ZWILCH: variants seen among roughly 807,000 people sequenced by gnomAD.
The protein encoded by ZWILCH is protein zwilch homolog.
In ZWILCH, 74 loss-of-function variants were observed where a neutral mutation model predicts 79.9. That is an observed-to-expected ratio of 0.93 (90% CI 0.77 to 1.12). ZWILCH has a LOEUF of 1.12. ZWILCH is among the 50% of genes most tolerant of loss of function. The pLI is 0.00. For missense variants in ZWILCH, 694 were observed against 687.5 expected (o/e 1.01, Z -0.11); for synonymous variants, 241 against 228.2 (o/e 1.06, Z -0.51).
At chr15:66,523,976 G>A (rs1231105802) in intron 8 of ZWILCH, among the ~76,000 whole-genome samples, 1 of 151,846 alleles carries the variant, frequency 6.6e-6, no homozygotes, top group Non-Finnish European at 1.5e-5. Context: ...CCTTTGTGTT[G>A]TTTTATTTTT....
chr15:66,547,185 A>ATTT (rs1172978479), intron 18 of ZWILCH: 30 of 121,554 alleles, frequency 2.5e-4, no homozygotes, highest in Non-Finnish European at 4.0e-4. Context: ...ATGGAATGAC[A>ATTT]TTTTCTTTTT....
At chr15:66,514,893 G>A (rs2140749687) in intron 3 of ZWILCH, among the ~76,000 whole-genome samples, 1 of 152,238 alleles carries the variant, frequency 6.6e-6, no homozygotes, top group East Asian at 1.9e-4. Context: ...AAGAACGTCT[G>A]GGTTTCCTTG....
At chr15:66,532,469 G>A (rs751013081) in intron 13 of ZWILCH, 66 bp downstream of exon 13, 29 of 1,419,736 alleles carry the variant, frequency 2.0e-5, no homozygotes, top group East Asian at 2.5e-5. Context: ...AGATATTCTC[G>A]GATTTTCTGT....
chr15:66,505,539 C>A, intron 1 of ZWILCH, 148 bp downstream of exon 1: 6 of 885,888 alleles, frequency 6.8e-6, no homozygotes, highest in Non-Finnish European at 8.8e-6. Context: ...GAGGCCGGTT[C>A]TCGGCTCCGG....
chr15:66,527,601 AAG>A (rs1182337680), intron 9 of ZWILCH, among the ~76,000 whole-genome samples: 1 of 152,172 alleles, frequency 6.6e-6, no homozygotes, highest in African/African-American at 2.4e-5. Context: ...TGAAGGAAAA[AAG>A]AGATGAATCA....
intron 2 of ZWILCH, among the ~76,000 whole-genome samples, chr15:66,513,032 C>G (rs1894125456): frequency 6.6e-6 from 1 of 152,012 alleles, no homozygotes; most frequent in African/African-American, 2.4e-5. Context: ...TAACCTCAAG[C>G]AGTCCACCCG....
At chr15:66,517,955 A>C in intron 4 of ZWILCH, among the ~76,000 whole-genome samples, 1 of 150,426 alleles carries the variant, frequency 6.6e-6, no homozygotes, top group Non-Finnish European at 1.5e-5. Flanking sequence ...CTGGTCTCGA[A>C]CTCCTGACCT....
At chr15:66,521,334 GC>G in intron 7 of ZWILCH, 129 bp downstream of exon 7, 1 of 1,037,828 alleles carries the variant, frequency 9.6e-7, no homozygotes, top group Non-Finnish European at 1.4e-6. Flanking sequence ...ACTCTGAAAG[GC>G]CCACCTTGCC....
intron 3 of ZWILCH, 168 bp downstream of exon 3, chr15:66,514,251 T>C (rs113794197): frequency 5.0e-6 from 2 of 396,734 alleles, no homozygotes; most frequent in Non-Finnish European, 9.1e-6. Flanking sequence ...GAACCACATA[T>C]GCAATTTAAC....
At chr15:66,513,137 G>T (rs1894129627) in intron 2 of ZWILCH, among the ~76,000 whole-genome samples, 1 of 152,082 alleles carries the variant, frequency 6.6e-6, no homozygotes, top group Non-Finnish European at 1.5e-5. Flanking sequence ...CCCCATGTTG[G>T]CCAGGCTGGT....
At chr15:66,527,148 A>G (rs1333299357) in intron 8 of ZWILCH, 142 bp from the exon 9 acceptor site, 13 of 633,152 alleles carry the variant, frequency 2.1e-5, no homozygotes, top group Non-Finnish European at 3.4e-5. Flanking sequence ...CATGTACTAT[A>G]CATAAAGCAC....
At chr15:66,532,200 T>C in intron 12 of ZWILCH, 47 bp from the exon 13 acceptor site, 1 of 1,434,470 alleles carries the variant, frequency 7.0e-7, no homozygotes, top group Non-Finnish European at 9.3e-7. Context: ...TTGTTGGGTT[T>C]ATTTATATAT....
chr15:66,535,706 T>C (rs1262835208), intron 14 of ZWILCH, among the ~76,000 whole-genome samples: 3 of 151,358 alleles, frequency 2.0e-5, no homozygotes, highest in Non-Finnish European at 4.4e-5. Flanking sequence ...CTGTAATATG[T>C]GTGATCCATT....
chr15:66,529,436 A>T (rs962725074), intron 11 of ZWILCH, 58 bp from the exon 12 acceptor site: 1 of 1,163,434 alleles, frequency 8.6e-7, no homozygotes, highest in Admixed American at 1.8e-5. Context: ...AAGATTAATG[A>T]TATATTTGAT....
chr15:66,547,173 T>G (rs955772051), intron 18 of ZWILCH: 1 of 150,746 alleles, frequency 6.6e-6, no homozygotes, highest in African/African-American at 2.4e-5. Flanking sequence ...CCAAAAGAAT[T>G]AATGGAATGA....
In ZWILCH at chr15:66,510,778, A is replaced by G. The variant is rs182340043; in HGVS notation, c.105+1886A>G. 3.7e-3 allele frequency among the ~76,000 whole-genome samples: 559 copies of G among 152,278 alleles called. 2 individuals carry two copies. Among genetic ancestry groups the G allele is most frequent in the African/African-American group, 0.013 (534 of 41,568 alleles). On this transcript the variant is annotated intron_variant, in intron 2 of 18. Coordinates refer to ENST00000307897, the MANE Select transcript of ZWILCH (RefSeq NM_017975.5). Reference sequence around the variant, plus strand: ...TTCTACCTTCTGATGGTTTCCAGCAATCTTTGGTATTGCTTGGCTTGTAAA... The same window carrying G: ...TTCTACCTTCTGATGGTTTCCAGCAGTCTTTGGTATTGCTTGGCTTGTAAA...
Position 66,533,936 on chromosome 15 carries a change from A to G in ZWILCH, c.1341+923A>G, listed in dbSNP as rs910608130. 3.3e-5 allele frequency among the ~76,000 whole-genome samples: 5 copies of G among 152,114 alleles called. No individual in the cohort carries two copies. The South Asian group carries it at 8.3e-4, about 25-fold the overall frequency. ...AGCCTGGGCAACATAGGGAGACTCC[A>G]TCTCTACAAAAATAAAAAAATTAGC... On this transcript the variant is annotated intron_variant, in intron 14 of 18. Transcript: ENST00000307897.
chr15:66,538,232 A>G (rs551062451), intron 16 of ZWILCH, among the ~76,000 whole-genome samples: 23 of 152,288 alleles, frequency 1.5e-4, no homozygotes, highest in African/African-American at 5.1e-4. Context: ...TTCTTAGCCA[A>G]ACTCTCATCA....
Position 66,521,042 on chromosome 15 carries a change from C to CT in ZWILCH, c.592-4dup. On this transcript the variant is annotated splice_polypyrimidine_tract_variant and splice_region_variant and intron_variant, in intron 6 of 18. Coordinates refer to ENST00000307897, the MANE Select transcript of ZWILCH (RefSeq NM_017975.5). ...AGCTAAATGATCTGCTGGGTACACTCTTTTCAGGTAACATCCAAAGGCTTT... is the reference window on the plus strand; with the variant it reads ...AGCTAAATGATCTGCTGGGTACACTCTTTTTCAGGTAACATCCAAAGGCTTT... The CT allele has an allele frequency of 1.2e-6, 2 of 1,613,926 alleles. No individual in the cohort carries two copies. Among genetic ancestry groups the CT allele is most frequent in the South Asian group, 2.2e-5 (2 of 91,044 alleles).
Sources: gnomAD v4.1 joint callset for allele counts (sites outside exome capture counted in the v4.1 genomes callset) on GRCh38, gnomAD v4.1.1 for gene constraint, MANE v1.5 for transcripts, NCBI Gene and HGNC (gene_info 2026-07-23, HGNC 2026-07-21) for gene names.